Variants in PTCD3 observed in about 807,000 individuals in gnomAD.
PTCD3 encodes pentatricopeptide repeat domain 3.
Under a neutral mutation model 101.9 loss-of-function variants are expected in PTCD3, and 89 were observed. That is an observed-to-expected ratio of 0.87 (90% CI 0.74 to 1.04). PTCD3 has a LOEUF of 1.04. PTCD3 is among the 50% of genes least tolerant of loss of function. PTCD3 has a pLI of 0.00. For missense variants in PTCD3, 870 were observed against 828.2 expected (o/e 1.05, Z -0.62); for synonymous variants, 296 against 278.5 (o/e 1.06, Z -0.63).
chr2:86,128,262 AT>A (rs35529284), intron 14 of PTCD3, among the ~76,000 whole-genome samples: 186 of 132,972 alleles, frequency 1.4e-3, no homozygotes, highest in East Asian at 3.6e-3. Context: ...TGCCTAGCTG[AT>A]TTTTTTTTTT....
intron 3 of PTCD3, chr2:86,108,978 G>T: frequency 6.4e-6 from 1 of 156,610 alleles, no homozygotes. Context: ...TGAACAAATT[G>T]CCTCATCTCA....
Position 86,109,280 on chromosome 2 carries a change from G to A in PTCD3, c.194+744G>A, listed in dbSNP as rs1053784828. 3.3e-5 allele frequency among the ~76,000 whole-genome samples: 5 copies of A among 152,042 alleles called. No individual in the cohort carries two copies. The East Asian group carries it at 5.8e-4, about 18-fold the overall frequency. ...AATTAGCCGGATGTGGTGGGGGGTC[G>A]CCTGTAGTCCCAGCTACTCGGGAGG... is the stretch of plus-strand genomic sequence containing the variant. On this transcript the variant is annotated intron_variant, in intron 3 of 23. Transcript: ENST00000254630.
In PTCD3 at chr2:86,127,963, C is replaced by T. The variant is rs1193662009; in HGVS notation, c.1119C>T (p.His373=). The part of the protein sequence containing the change: ...IGIEPSLATY[H]HIIRLFDQPG... ...GAGAACCCTCGCTTGCAACATATCA[C>T]CATATTATTCGCCTGTTTGATCAAC... Residue 373 remains histidine (H), a synonymous_variant, in exon 14 of 24, where the codon CAC becomes CAT. Transcript: ENST00000254630. The T allele has an allele frequency of 5.6e-6, 9 of 1,610,744 alleles. No individual in the cohort carries two copies. Among genetic ancestry groups the T allele is most frequent in the African/African-American group, 1.3e-5 (1 of 74,960 alleles).
chr2:86,108,607 T>G, intron 3 of PTCD3, 71 bp downstream of exon 3: 1 of 1,394,932 alleles, frequency 7.2e-7, no homozygotes. Context: ...AAGGGTTAGG[T>G]AAGGAGACAG....
chr2:86,109,695 A>T (rs116401095), intron 3 of PTCD3, among the ~76,000 whole-genome samples: 3,314 of 152,316 alleles, frequency 0.022, 65 homozygotes, highest in Non-Finnish European at 0.034. Context: ...TTGGAGGAAC[A>T]TTTGCATATA....
chr2:86,115,602 C>T (rs551643016), intron 4 of PTCD3, among the ~76,000 whole-genome samples: 1 of 152,262 alleles, frequency 6.6e-6, no homozygotes, highest in East Asian at 1.9e-4. Context: ...TTCTGTGCCC[C>T]CTCCCTGAGG....
At chr2:86,107,210 G>C in intron 1 of PTCD3, 1 of 471,178 alleles carries the variant, frequency 2.1e-6, no homozygotes. Flanking sequence ...GGTAGCCATC[G>C]TTAGCATTTT....
At position 86,126,390 on chromosome 2, in the gene PTCD3, C is replaced by T. The variant is rs986594703; in HGVS notation, c.951+510C>T. Among the ~76,000 whole-genome samples, 4 of 152,028 alleles carry T rather than the reference C, an allele frequency of 2.6e-5. No homozygotes were observed. The South Asian group carries it at 8.3e-4, about 32-fold the overall frequency. On this transcript the variant is annotated intron_variant, in intron 12 of 23. Coordinates refer to ENST00000254630, the MANE Select transcript of PTCD3 (RefSeq NM_017952.6). The stretch of plus-strand genomic sequence containing the variant: ...CACATAAGAAGAAAAAGTTGCTTGA[C>T]CGAGAGTATAGAGCTAGAATTCTGG...
rs1353869920 is a variant in PTCD3 at position 86,142,090 on chromosome 2, A to G, written c.*4531A>G. 1 of 152,234 alleles carries G rather than the reference A, an allele frequency of 6.6e-6. No homozygotes were observed. The highest frequency in any genetic ancestry group is 1.9e-4 in the East Asian group (1 of 5,200). The allele number at this position is 152,234 out of a possible 1,614,324, so 9.4% of individuals were successfully genotyped here. A position where few individuals can be genotyped will look rare whatever the true frequency, so the allele number is the denominator to read the frequency against. The stretch of plus-strand genomic sequence containing the variant: ...GGGTGTGTTGGCTGGTAAAGGAACT[A>G]CTAAGATTCAGAAGCTTGTAGTCTT... On this transcript the variant is annotated 3_prime_UTR_variant, in exon 24 of 24. Coordinates refer to ENST00000254630, the MANE Select transcript of PTCD3 (RefSeq NM_017952.6).
At position 86,119,911 on chromosome 2, in the gene PTCD3, A is replaced by G. The variant is rs368995646; in HGVS notation, c.538+867A>G. ...TAAATAGCACAGCTGATAAGTCAAC[A>G]TGAAAATCTACATATAGCAACATCA... On this transcript the variant is annotated intron_variant, in intron 7 of 23. Transcript: ENST00000254630. 3.3e-5 allele frequency among the ~76,000 whole-genome samples: 5 copies of G among 152,376 alleles called. No homozygotes were observed. The East Asian group carries it at 7.7e-4, about 23-fold the overall frequency.
Position 86,121,522 on chromosome 2 carries a change from A to T in PTCD3, c.582A>T (p.Leu194Phe), listed in dbSNP as rs760894757. The T allele has an allele frequency of 2.5e-6, 4 of 1,610,408 alleles. No homozygotes were observed. The African/African-American group carries it at 4.0e-5, about 16-fold the overall frequency. The change falls in exon 8 of 24, where the codon TTA becomes TTT. Residue 194 changes from leucine (L) to phenylalanine (F), a missense_variant. Physicochemically the swap from Leu to Phe is conservative, Grantham distance 22. Coordinates refer to ENST00000254630, the MANE Select transcript of PTCD3 (RefSeq NM_017952.6). ...AAACAACAAATAGTCTCTTGGATTTATTGTGTTACTATGGTGACCAGGAGC... is the reference window on the plus strand; with the variant it reads ...AAACAACAAATAGTCTCTTGGATTTTTTGTGTTACTATGGTGACCAGGAGC... ...SLETTNSLLD[L>F]LCYYGDQEPS...
chr2:86,108,683 T>C (rs1321687476), intron 3 of PTCD3, 147 bp downstream of exon 3: 2 of 734,168 alleles, frequency 2.7e-6, no homozygotes, highest in Non-Finnish European at 2.1e-6. Flanking sequence ...GCTAGGAGTT[T>C]AAAGGACAAA....
At chr2:86,114,543 A>T (rs1435160577) in intron 4 of PTCD3, among the ~76,000 whole-genome samples, 1 of 152,124 alleles carries the variant, frequency 6.6e-6, no homozygotes, top group East Asian at 1.9e-4. Context: ...TAGAAAAGAG[A>T]GCTATGTGGA....
intron 3 of PTCD3, among the ~76,000 whole-genome samples, chr2:86,109,659 T>G (rs533114033): frequency 6.6e-6 from 1 of 152,344 alleles, no homozygotes; most frequent in East Asian, 1.9e-4. Flanking sequence ...GAATTGGAAA[T>G]GTGCGTACCT....
At chr2:86,110,938 G>A (rs1674066598) in intron 3 of PTCD3, 175 bp from the exon 4 acceptor site, 1 of 757,714 alleles carries the variant, frequency 1.3e-6, no homozygotes. Context: ...CCAACTAGGG[G>A]AAAGAACCAG....
chr2:86,114,289 C>CTT lies in PTCD3; in HGVS notation c.241-2229_241-2228dup, dbSNP rs536484959. ...GAGAAAGGAATTCTTTTTTTTCTTT[C>CTT]TTTTTTTTTTTTTAAAGAGACGGAG... is the stretch of plus-strand genomic sequence containing the variant. On this transcript the variant is annotated intron_variant, in intron 4 of 23. Transcript: ENST00000254630. Among the ~76,000 whole-genome samples, 995 of 144,056 alleles carry CTT rather than the reference C, an allele frequency of 6.9e-3. 14 individuals are homozygous for CTT. The highest frequency in any genetic ancestry group is 0.023 in the African/African-American group (923 of 39,586). The allele number at this position is 144,056 out of a possible 152,430, so 94.5% of individuals were successfully genotyped here.
Position 86,123,715 on chromosome 2 carries a change from T to A in PTCD3, c.669T>A (p.Asp223Glu). Residue 223 changes from aspartate (D) to glutamate (E), a missense_variant, in exon 9 of 24, where the codon GAT (aspartate) becomes GAA (glutamate). Asp to Glu is a conservative substitution (Grantham distance 45). Coordinates refer to ENST00000254630, the MANE Select transcript of PTCD3 (RefSeq NM_017952.6). ...GQSEALEEEN[D>E]ETSRRKAGHQ... is the part of the protein sequence containing the mutation. ...ATTCATTTCAGGAAGAGGAAAATGA[T>A]GAGACATCTAGGAGGAAAGCTGGTC... 6.3e-7 allele frequency: 1 copy of A among 1,594,606 alleles called. No homozygotes were observed. The highest frequency in any genetic ancestry group is 8.5e-7 in the Non-Finnish European group (1 of 1,172,618).
At chr2:86,135,918 G>A (rs762904712) in intron 21 of PTCD3, 3 of 519,134 alleles carry the variant, frequency 5.8e-6, no homozygotes, top group South Asian at 1.4e-5. Flanking sequence ...TGAGTCATGG[G>A]AGCTGAATGT....
intron 7 of PTCD3, 160 bp from the exon 8 acceptor site, chr2:86,121,319 A>G (rs1674276130): frequency 2.1e-6 from 1 of 486,014 alleles, no homozygotes; most frequent in South Asian, 3.8e-5. Flanking sequence ...ACGTCACTTC[A>G]GGTGTTTAAG....
Sources: gnomAD v4.1 joint callset for allele counts (sites outside exome capture counted in the v4.1 genomes callset) on GRCh38, gnomAD v4.1.1 for gene constraint, MANE v1.5 for transcripts, NCBI Gene and HGNC (gene_info 2026-07-23, HGNC 2026-07-21) for gene names.